The following CHCHD6 variants were observed in gnomAD, a reference collection of about 807,000 sequenced individuals.
The protein encoded by CHCHD6 is MICOS complex subunit MIC25.
In CHCHD6, 28 loss-of-function variants were observed where a neutral mutation model predicts 32.3. That is an observed-to-expected ratio of 0.87 (90% CI 0.64 to 1.19). The LOEUF is 1.19. Among genes scored for constraint, CHCHD6 ranks in the 50% most tolerant of loss-of-function variants. The pLI is 0.00. For synonymous variants in CHCHD6, 122 were observed against 117.5 expected (o/e 1.04, Z -0.25); for missense variants, 333 against 307.0 (o/e 1.08, Z -0.63).
chr3:126,831,638 C>T (rs1404984064), intron 4 of CHCHD6, among the ~76,000 whole-genome samples: 18 of 152,228 alleles, frequency 1.2e-4, no homozygotes, highest in East Asian at 1.9e-4. Context: ...TGCGTGTTTA[C>T]GGTTGGACTC....
chr3:126,926,110 T>C (rs1333446470), intron 6 of CHCHD6, among the ~76,000 whole-genome samples: 1 of 152,166 alleles, frequency 6.6e-6, no homozygotes, highest in African/African-American at 2.4e-5. Flanking sequence ...AATGTGTCTT[T>C]CTTTATAAAA....
chr3:126,736,307 C>A (rs1936041640), intron 4 of CHCHD6, among the ~76,000 whole-genome samples: 1 of 152,156 alleles, frequency 6.6e-6, no homozygotes, highest in South Asian at 2.1e-4. Flanking sequence ...GTGTGGATCA[C>A]AGCACATCCT....
chr3:126,934,536 C>CT (rs386397861), intron 6 of CHCHD6, among the ~76,000 whole-genome samples: 2,209 of 58,220 alleles, frequency 0.038, 542 homozygotes, highest in African/African-American at 0.042. Flanking sequence ...CCCCTCTCTG[C>CT]TTTTTTTTTT....
intron 4 of CHCHD6, among the ~76,000 whole-genome samples, chr3:126,827,659 C>A (rs1180057069): frequency 3.9e-5 from 6 of 152,178 alleles, no homozygotes; most frequent in Non-Finnish European, 8.8e-5. Flanking sequence ...CATCTGGGAT[C>A]TTTCACCATG....
At chr3:126,882,369 G>A (rs2077622243) in intron 5 of CHCHD6, among the ~76,000 whole-genome samples, 1 of 152,198 alleles carries the variant, frequency 6.6e-6, no homozygotes, top group South Asian at 2.1e-4. Context: ...TGCTATGAAA[G>A]GGTTTTATCA....
intron 4 of CHCHD6, among the ~76,000 whole-genome samples, chr3:126,833,718 T>G (rs921687214): frequency 1.3e-5 from 2 of 152,192 alleles, no homozygotes; most frequent in Admixed American, 6.5e-5. Flanking sequence ...TGTTGAAAAT[T>G]ACAGCACTGT....
intron 5 of CHCHD6, among the ~76,000 whole-genome samples, chr3:126,853,253 T>TA (rs1395690791): frequency 7.3e-6 from 1 of 137,428 alleles, no homozygotes; most frequent in Non-Finnish European, 1.6e-5. Context: ...CATCATGCCT[T>TA]TAAAAAAAAA....
intron 4 of CHCHD6, among the ~76,000 whole-genome samples, chr3:126,755,167 C>T (rs1226812520): frequency 6.6e-6 from 1 of 152,188 alleles, no homozygotes; most frequent in African/African-American, 2.4e-5. Context: ...TCAAAGAAAT[C>T]AGAGTTGAGA....
chr3:126,923,604 G>A (rs1004687026), intron 6 of CHCHD6, among the ~76,000 whole-genome samples: 1 of 152,252 alleles, frequency 6.6e-6, no homozygotes, highest in African/African-American at 2.4e-5. Flanking sequence ...CTTGCACAAG[G>A]CAGGAGCCCC....
At chr3:126,821,485 G>A (rs571590271) in intron 4 of CHCHD6, among the ~76,000 whole-genome samples, 11 of 152,152 alleles carry the variant, frequency 7.2e-5, no homozygotes, top group Middle Eastern at 6.8e-3. Context: ...TAGTAGAGAC[G>A]GGATTTCACT....
At chr3:126,884,885 C>A (rs2077658289) in intron 5 of CHCHD6, among the ~76,000 whole-genome samples, 1 of 152,182 alleles carries the variant, frequency 6.6e-6, no homozygotes, top group Admixed American at 6.5e-5. Context: ...GGATCTGCCC[C>A]TCTGGTGACT....
chr3:126,956,437 T>A (rs2078784181), intron 6 of CHCHD6, among the ~76,000 whole-genome samples: 1 of 152,244 alleles, frequency 6.6e-6, no homozygotes, highest in Non-Finnish European at 1.5e-5. Context: ...ATGGCCTTAA[T>A]TCTCTGAGCC....
chr3:126,871,706 C>T (rs1461987171), intron 5 of CHCHD6, among the ~76,000 whole-genome samples: 1 of 147,778 alleles, frequency 6.8e-6, no homozygotes, highest in Admixed American at 6.8e-5. Flanking sequence ...CACTCTGTCG[C>T]CCAGGCTGGA....
In CHCHD6 at chr3:126,813,812, G is replaced by A. The variant is rs139903946; in HGVS notation, c.412-38835G>A. On this transcript the variant is annotated intron_variant, in intron 4 of 7. Transcript: ENST00000290913. ...CCAGGAATGGAGCTGGTTTATGTTG[G>A]GACAAGAGGGTATTGCCTAGAGTGA... 2.6e-3 allele frequency among the ~76,000 whole-genome samples: 390 copies of A among 152,298 alleles called. 1 individual carries two copies. Among genetic ancestry groups the A allele is most frequent in the African/African-American group, 8.9e-3 (370 of 41,546 alleles).
intron 4 of CHCHD6, chr3:126,767,616 CA>C (rs1937430536): frequency 9.3e-6 from 3 of 324,092 alleles, no homozygotes; most frequent in South Asian, 8.6e-5. Context: ...CATTTAGGTT[CA>C]GGGGTGCTTG....
At chr3:126,742,114 T>C (rs543829046) in intron 4 of CHCHD6, among the ~76,000 whole-genome samples, 1 of 152,304 alleles carries the variant, frequency 6.6e-6, no homozygotes, top group African/African-American at 2.4e-5. Context: ...TAGGGGATAG[T>C]AGTAAGACCT....
Position 126,852,870 on chromosome 3 carries a change from C to G in CHCHD6, c.495+140C>G. On this transcript the variant is annotated intron_variant, in intron 5 of 7. Coordinates refer to ENST00000290913, the MANE Select transcript of CHCHD6 (RefSeq NM_032343.3). ...AGATGCCAGTCACTCCTTGGACATGCCCTCCTGCATTCTGCAGCAGGCACC... is the reference window on the plus strand; with the variant it reads ...AGATGCCAGTCACTCCTTGGACATGGCCTCCTGCATTCTGCAGCAGGCACC... 3 of 624,936 alleles carry G rather than the reference C, an allele frequency of 4.8e-6. No individual in the cohort carries two copies. In the South Asian group the frequency reaches 5.4e-5, roughly 11 times the overall value. 38.7% of individuals were successfully genotyped at this position (624,936 alleles called of 1,614,324 possible).
Position 126,842,212 on chromosome 3 carries a change from G to A in CHCHD6, c.412-10435G>A, listed in dbSNP as rs116149583. ...AAGGTCACGTCACGGGACATTTCTT[G>A]GAGTACAGAGTGAGACTCTGTCTTT... On this transcript the variant is annotated intron_variant, in intron 4 of 7. Coordinates refer to ENST00000290913, the MANE Select transcript of CHCHD6 (RefSeq NM_032343.3). Among the ~76,000 whole-genome samples the A allele has an allele frequency of 5.9e-3, 892 of 152,304 alleles. 8 individuals carry two copies. The highest frequency in any genetic ancestry group is 0.02 in the African/African-American group (839 of 41,562).
intron 4 of CHCHD6, among the ~76,000 whole-genome samples, chr3:126,756,038 G>A (rs748664958): frequency 3.9e-5 from 6 of 152,144 alleles, no homozygotes; most frequent in Non-Finnish European, 5.9e-5. Context: ...GTGGGTCTGT[G>A]CAGGGCTCGG....
Sources: gnomAD v4.1 joint callset for allele counts (sites outside exome capture counted in the v4.1 genomes callset) on GRCh38, gnomAD v4.1.1 for gene constraint, MANE v1.5 for transcripts, NCBI Gene and HGNC (gene_info 2026-07-23, HGNC 2026-07-21) for gene names.